Variants in DAB1 observed in about 807,000 individuals in gnomAD.
The protein encoded by DAB1 is disabled homolog 1.
A neutral mutation model predicts 64.6 loss-of-function variants in DAB1; 15 were observed. The ratio of observed to expected loss-of-function variants is 0.23; its 90% CI spans 0.16 to 0.36. DAB1 has a LOEUF of 0.36. Among genes scored for constraint, DAB1 ranks in the 10% least tolerant of loss-of-function variants. The pLI is 1.00. For missense variants in DAB1, 596 were observed against 706.7 expected (o/e 0.84, Z 1.78); for synonymous variants, 235 against 251.9 (o/e 0.93, Z 0.64).
At chr1:57,086,279 G>A (rs1385117887) in intron 4 of DAB1, among the ~76,000 whole-genome samples, 2 of 152,046 alleles carry the variant, frequency 1.3e-5, no homozygotes, top group Non-Finnish European at 2.9e-5. Flanking sequence ...CTGGGTGCCC[G>A]TCGATGGAAG....
At chr1:57,515,521 A>G (rs1209602057) in intron 7 of DAB1, among the ~76,000 whole-genome samples, 1 of 152,212 alleles carries the variant, frequency 6.6e-6, no homozygotes, top group African/African-American at 2.4e-5. Flanking sequence ...CAGAGCAACA[A>G]ATATTTGAAG....
At chr1:58,544,930 G>A (rs1266025077) in intron 1 of DAB1, among the ~76,000 whole-genome samples, 1 of 152,020 alleles carries the variant, frequency 6.6e-6, no homozygotes, top group Non-Finnish European at 1.5e-5. Context: ...CTGTAGACAC[G>A]GTGTGTCACT....
chr1:57,706,405 C>G (rs902029553), intron 6 of DAB1, among the ~76,000 whole-genome samples: 9 of 152,080 alleles, frequency 5.9e-5, no homozygotes, highest in South Asian at 2.1e-4. Context: ...TCCCCAGGCT[C>G]AGGTGATCAA....
rs1252120519 is a variant in DAB1 at position 57,046,057 on chromosome 1, T to G, written c.723+16827A>C. 2.6e-5 allele frequency among the ~76,000 whole-genome samples: 4 copies of G among 152,240 alleles called. No individual in the cohort carries two copies. The South Asian group carries it at 8.3e-4, about 31-fold the overall frequency. Reference sequence around the variant, plus strand: ...CATACAATGGAGAAAATAATAGTTGTCATCTTAATTAAACTGGATAAATTT... The same window carrying G: ...CATACAATGGAGAAAATAATAGTTGGCATCTTAATTAAACTGGATAAATTT... On this transcript the variant is annotated intron_variant, in intron 9 of 14. Transcript: ENST00000371236.
chr1:57,003,189 G>C (rs1309114147), intron 14 of DAB1, among the ~76,000 whole-genome samples: 1 of 152,214 alleles, frequency 6.6e-6, no homozygotes, highest in Non-Finnish European at 1.5e-5. Flanking sequence ...GGGCCCTGTG[G>C]ATAACAGAAA....
intron 6 of DAB1, among the ~76,000 whole-genome samples, chr1:57,741,359 C>T (rs1157521271): frequency 6.6e-6 from 1 of 152,122 alleles, no homozygotes; most frequent in Non-Finnish European, 1.5e-5. Flanking sequence ...TCACAATAAT[C>T]CTGCGGTAGG....
At chr1:58,539,933 GCA>G (rs1298864780) in intron 1 of DAB1, among the ~76,000 whole-genome samples, 1 of 152,144 alleles carries the variant, frequency 6.6e-6, no homozygotes, top group Admixed American at 6.5e-5. Context: ...GACAAGAGCT[GCA>G]CAGAGAAATA....
chr1:57,113,955 A>G (rs1482815013), intron 4 of DAB1, among the ~76,000 whole-genome samples: 1 of 152,220 alleles, frequency 6.6e-6, no homozygotes, highest in African/African-American at 2.4e-5. Context: ...ATACTCTTAG[A>G]GTACAGTTCA....
At chr1:57,460,654 G>C (rs1686751346) in intron 7 of DAB1, among the ~76,000 whole-genome samples, 1 of 152,102 alleles carries the variant, frequency 6.6e-6, no homozygotes, top group Admixed American at 6.5e-5. Context: ...TAACAGCAGG[G>C]GAGGAGTAGA....
At chr1:57,364,022 G>A (rs115659376) in intron 1 of DAB1, among the ~76,000 whole-genome samples, 3,902 of 152,256 alleles carry the variant, frequency 0.026, 62 homozygotes, top group Middle Eastern at 0.054. Context: ...TGCCTTGTAA[G>A]GATTCAGATT....
At chr1:57,815,125 G>A (rs1268146105) in intron 6 of DAB1, among the ~76,000 whole-genome samples, 1 of 151,666 alleles carries the variant, frequency 6.6e-6, no homozygotes, top group Admixed American at 6.6e-5. Context: ...AGGCTGGTGT[G>A]CAGTGGCGTG....
At chr1:57,810,884 C>G (rs557547879) in intron 6 of DAB1, among the ~76,000 whole-genome samples, 18 of 152,302 alleles carry the variant, frequency 1.2e-4, no homozygotes, top group African/African-American at 4.1e-4. Context: ...TAGGTCTGAA[C>G]TGAGTCTTAC....
At chr1:58,255,551 A>T (rs982158815) in intron 4 of DAB1, among the ~76,000 whole-genome samples, 12 of 152,172 alleles carry the variant, frequency 7.9e-5, no homozygotes, top group South Asian at 2.1e-4. Flanking sequence ...GGAAAGAAAC[A>T]TTATCTCTCC....
intron 5 of DAB1, among the ~76,000 whole-genome samples, chr1:58,053,709 T>TGC (rs1647862301): frequency 6.6e-6 from 1 of 152,206 alleles, no homozygotes; most frequent in African/African-American, 2.4e-5. Flanking sequence ...TGAAAGTAGG[T>TGC]GCCACATGGT....
rs1570667226 is a variant in DAB1 at position 57,605,847 on chromosome 1, T to A, written n.625+43745A>T. ...TAATCAATTTATTAAGACAGTTGACTTAAGCATCTGCAACGGTGACTTCCA... is the reference window on the plus strand; with the variant it reads ...TAATCAATTTATTAAGACAGTTGACATAAGCATCTGCAACGGTGACTTCCA... On this transcript the variant is annotated intron_variant and non_coding_transcript_variant, in intron 7 of 20. Transcript: ENST00000485760. 4 of 578,302 alleles carry A rather than the reference T, an allele frequency of 6.9e-6. No homozygotes were observed. The East Asian group carries it at 1.0e-4, about 15-fold the overall frequency. 35.8% of individuals were successfully genotyped at this position (578,302 alleles called of 1,614,324 possible).
At chr1:57,572,837 G>C (rs186193343) in intron 7 of DAB1, among the ~76,000 whole-genome samples, 1 of 152,230 alleles carries the variant, frequency 6.6e-6, no homozygotes, top group Admixed American at 6.5e-5. Flanking sequence ...AGGGGGAGCA[G>C]ACACATCAAA....
intron 2 of DAB1, among the ~76,000 whole-genome samples, chr1:57,222,326 C>T (rs567860785): frequency 6.6e-6 from 1 of 152,220 alleles, no homozygotes; most frequent in Non-Finnish European, 1.5e-5. Flanking sequence ...CTGGTCCTAT[C>T]CTGAGGTGCT....
chr1:58,179,848 G>C (rs1484850037), intron 4 of DAB1, among the ~76,000 whole-genome samples: 1 of 150,914 alleles, frequency 6.6e-6, no homozygotes, highest in East Asian at 1.9e-4. Context: ...ACTCTAATTT[G>C]TATTACAGTT....
At chr1:57,281,671 C>G (rs899098764) in intron 2 of DAB1, among the ~76,000 whole-genome samples, 1 of 152,080 alleles carries the variant, frequency 6.6e-6, no homozygotes, top group Admixed American at 6.6e-5. Flanking sequence ...CTGATTAAAT[C>G]TCCGCATTAG....
Sources: allele counts gnomAD v4.1 joint callset (sites outside exome capture counted in the v4.1 genomes callset), GRCh38; gene constraint gnomAD v4.1.1; transcripts MANE v1.5; gene names NCBI Gene and HGNC (gene_info 2026-07-23, HGNC 2026-07-21).